MAP7: variants seen among roughly 807,000 people sequenced by gnomAD.
MAP7 encodes the protein ensconsin.
In MAP7, 52 loss-of-function variants were observed where a neutral mutation model predicts 94.8. The observed-to-expected ratio is 0.55, with a 90% CI of 0.44 to 0.69. The LOEUF (loss-of-function observed/expected upper bound fraction) is 0.69. Ranked by LOEUF, MAP7 falls within the 30% of genes least tolerant of loss-of-function variation. The pLI, the probability that MAP7 is intolerant of heterozygous loss-of-function variation, is 0.00. For synonymous variants in MAP7, 350 were observed against 357.0 expected (o/e 0.98, Z 0.22); for missense variants, 940 against 964.6 (o/e 0.97, Z 0.34).
chr6:136,383,142 AAG>A (rs1778259329), intron 6 of MAP7, among the ~76,000 whole-genome samples: 1 of 152,218 alleles, frequency 6.6e-6, no homozygotes, highest in Admixed American at 6.5e-5. Context: ...CAGATCCCTC[AAG>A]AGTTAATGAA....
chr6:136,350,956 T>G (rs10484488), intron 16 of MAP7, among the ~76,000 whole-genome samples: 5,651 of 152,102 alleles, frequency 0.037, 247 homozygotes, highest in African/African-American at 0.1. Flanking sequence ...CAGTGCTAGG[T>G]TTAGTTTTAT....
intron 1 of MAP7, among the ~76,000 whole-genome samples, chr6:136,472,772 C>T (rs897280406): frequency 2.0e-5 from 3 of 152,096 alleles, no homozygotes; most frequent in African/African-American, 7.2e-5. Context: ...ACCAGCATTA[C>T]CACTTTGCTT....
chr6:136,539,028 G>A (rs1829106314), intron 1 of MAP7, among the ~76,000 whole-genome samples: 2 of 152,062 alleles, frequency 1.3e-5, no homozygotes, highest in Non-Finnish European at 1.5e-5. Context: ...ACATTCTGAT[G>A]CCTTCACTAT....
chr6:136,466,528 T>C (rs969712319), intron 1 of MAP7, among the ~76,000 whole-genome samples: 5 of 152,056 alleles, frequency 3.3e-5, no homozygotes, highest in African/African-American at 1.2e-4. Context: ...GACATGAAGG[T>C]AGAAGTATAA....
chr6:136,354,994 T>C (rs949236481), intron 16 of MAP7, among the ~76,000 whole-genome samples: 1 of 152,100 alleles, frequency 6.6e-6, no homozygotes, highest in Non-Finnish European at 1.5e-5. Flanking sequence ...GAGGCCAAGA[T>C]GGGTGGATCA....
chr6:136,451,296 C>T (rs189419345), intron 1 of MAP7, among the ~76,000 whole-genome samples: 28 of 152,274 alleles, frequency 1.8e-4, no homozygotes, highest in African/African-American at 5.3e-4. Flanking sequence ...TTGCACTTCC[C>T]TTTATGGTAT....
chr6:136,471,826 C>G (rs720565), intron 1 of MAP7, among the ~76,000 whole-genome samples: 113,259 of 152,078 alleles, frequency 0.74, 43,362 homozygotes, highest in Middle Eastern at 0.85. Flanking sequence ...TATAATCAAG[C>G]CTTCCCACTC....
At position 136,550,315 on chromosome 6, in the gene MAP7, C is replaced by T. The variant is rs1345240745; in HGVS notation, c.67+27G>A. The T allele has an allele frequency of 1.3e-6, 2 of 1,490,886 alleles. No individual in the cohort carries two copies. The highest frequency in any genetic ancestry group is 2.2e-5 in the Admixed American group (1 of 45,926). The allele number at this position is 1,490,886 out of a possible 1,614,324, so 92.4% of individuals were successfully genotyped here. On this transcript the variant is annotated intron_variant, in intron 1 of 17. Coordinates refer to ENST00000354570, the MANE Select transcript of MAP7 (RefSeq NM_003980.6). This position sits in a 1 kb window ranked among gnomAD's most constrained non-coding sequence, Gnocchi z 5.1. ...GCTCGCCGTCCCCTGCCCGACGGGA[C>T]CCCCACTATCCCCGCTGTGCGGTCA...
chr6:136,537,788 ATT>A (rs59705938), intron 1 of MAP7, among the ~76,000 whole-genome samples: 27 of 144,698 alleles, frequency 1.9e-4, no homozygotes, highest in East Asian at 4.0e-4. Context: ...GAAGTTATGA[ATT>A]TTTTTTTTTT....
intron 1 of MAP7, among the ~76,000 whole-genome samples, chr6:136,540,477 A>G (rs1829211831): frequency 6.6e-6 from 1 of 152,224 alleles, no homozygotes; most frequent in Non-Finnish European, 1.5e-5. Flanking sequence ...ACATATTCAT[A>G]CAGAAATGTG....
chr6:136,480,738 G>C (rs80145164), intron 1 of MAP7, among the ~76,000 whole-genome samples: 2,083 of 148,108 alleles, frequency 0.014, 84 homozygotes, highest in East Asian at 0.14. Context: ...TAATACCCCA[G>C]AGGCACAGGC....
chr6:136,488,444 C>CTTT (rs1262255093), intron 1 of MAP7, among the ~76,000 whole-genome samples: 6 of 133,402 alleles, frequency 4.5e-5, no homozygotes, highest in East Asian at 2.2e-4. Context: ...ATGCTAGGTA[C>CTTT]TTTTTTTTTT....
At chr6:136,517,547 A>AT (rs756043959) in intron 1 of MAP7, among the ~76,000 whole-genome samples, 2 of 152,226 alleles carry the variant, frequency 1.3e-5, no homozygotes, top group Non-Finnish European at 2.9e-5. Flanking sequence ...GTGCTTGTGT[A>AT]TTCTCTCTAA....
At chr6:136,525,801 G>T in intron 1 of MAP7, 2 of 1,526,514 alleles carry the variant, frequency 1.3e-6, no homozygotes, top group Non-Finnish European at 1.7e-6. Flanking sequence ...GCTGGATCTG[G>T]CTCCGACCAA....
intron 1 of MAP7, among the ~76,000 whole-genome samples, chr6:136,514,068 T>C (rs1287216244): frequency 6.6e-6 from 1 of 151,998 alleles, no homozygotes; most frequent in African/African-American, 2.4e-5. Context: ...CACACCAACC[T>C]CCCTCCATGC....
intron 7 of MAP7, 26 bp downstream of exon 7, chr6:136,377,729 G>A (rs1336058758): frequency 3.8e-6 from 6 of 1,567,738 alleles, no homozygotes; most frequent in East Asian, 2.2e-5. Flanking sequence ...GACCTCATGG[G>A]GAAAGTTCCA....
chr6:136,382,285 A>C (rs1160990500), intron 6 of MAP7, among the ~76,000 whole-genome samples: 1 of 152,164 alleles, frequency 6.6e-6, no homozygotes, highest in East Asian at 1.9e-4. Flanking sequence ...CCTTACCCTA[A>C]TTTCAGCTAT....
chr6:136,520,503 A>G (rs1163979791), intron 1 of MAP7, among the ~76,000 whole-genome samples: 1 of 152,164 alleles, frequency 6.6e-6, no homozygotes, highest in East Asian at 1.9e-4. Flanking sequence ...TATAAAGAGG[A>G]GTGAGTCCTG....
At chr6:136,389,096 C>A (rs1216061002) in intron 4 of MAP7, among the ~76,000 whole-genome samples, 2 of 152,164 alleles carry the variant, frequency 1.3e-5, no homozygotes, top group Non-Finnish European at 2.9e-5. Flanking sequence ...ATACTCAGTA[C>A]AGATGAATTG....
Sources: gnomAD v4.1 joint callset for allele counts (sites outside exome capture counted in the v4.1 genomes callset) on GRCh38, gnomAD v4.1.1 for gene constraint, Gnocchi (gnomAD v3.1) non-coding constraint, MANE v1.5 for transcripts, NCBI Gene and HGNC (gene_info 2026-07-23, HGNC 2026-07-21) for gene names.